Variants in TMEM68 observed in about 807,000 individuals in gnomAD.
TMEM68 encodes the protein transmembrane protein 68.
In TMEM68, 25 loss-of-function variants were observed where a neutral mutation model predicts 36.9. The observed-to-expected ratio is 0.68, with a 90% CI of 0.49 to 0.95. The LOEUF (loss-of-function observed/expected upper bound fraction) is 0.95, where lower values mean the gene tolerates loss of function less well. Among genes scored for constraint, TMEM68 ranks in the 40% least tolerant of loss-of-function variants. TMEM68 has a pLI of 0.00. For missense variants in TMEM68, 333 were observed against 392.0 expected, an observed-to-expected ratio of 0.85 and a Z score of 1.27; for synonymous variants, 131 against 124.4, an observed-to-expected ratio of 1.05 and a Z score of -0.35.
chr8:55,745,559 C>A (rs1271258954), intron 5 of TMEM68: 1 of 152,148 alleles, frequency 6.6e-6, no homozygotes, highest in Non-Finnish European at 1.5e-5. Context: ...TCACATAAAA[C>A]CTTGAAACTC....
intron 3 of TMEM68, among the ~76,000 whole-genome samples, chr8:55,760,197 A>G (rs1429359682): frequency 1.3e-5 from 2 of 152,282 alleles, no homozygotes; most frequent in Non-Finnish European, 2.9e-5. Context: ...AAAAGACTTA[A>G]GTAAGATCCA....
intron 5 of TMEM68, among the ~76,000 whole-genome samples, chr8:55,749,034 C>G (rs936175465): frequency 6.6e-6 from 1 of 152,172 alleles, no homozygotes; most frequent in African/African-American, 2.4e-5. Flanking sequence ...TAATAATTAT[C>G]TCTATCTCAA....
At chr8:55,752,574 C>T (rs1472656017) in intron 4 of TMEM68, among the ~76,000 whole-genome samples, 1 of 152,010 alleles carries the variant, frequency 6.6e-6, no homozygotes, top group Non-Finnish European at 1.5e-5. Context: ...GGCAACAGAG[C>T]AAGACTGTCT....
chr8:55,766,946 T>C (rs1272795892), intron 1 of TMEM68, among the ~76,000 whole-genome samples: 2 of 152,212 alleles, frequency 1.3e-5, no homozygotes, highest in Middle Eastern at 3.2e-3. Flanking sequence ...GAGATAATTA[T>C]ATGGTGTTTT....
chr8:55,751,031 T>G lies in TMEM68; in HGVS notation c.620A>C (p.Asp207Ala), dbSNP rs1464783899. 1.2e-6 allele frequency: 2 copies of G among 1,613,904 alleles called. No individual in the cohort carries two copies. Among genetic ancestry groups the G allele is most frequent in the African/African-American group, 1.3e-5 (1 of 74,894 alleles). ...PGGVREALIS[D>A]ETYNIVWGHR... ...ACCCCATACGATGTTATAAGTTTCATCACTAATTAGGGCTTCTCGAACTCC... is the reference window on the plus strand; with the variant it reads ...ACCCCATACGATGTTATAAGTTTCAGCACTAATTAGGGCTTCTCGAACTCC... Residue 207 changes from aspartate to alanine, a missense_variant, in exon 5 of 8, where the codon GAT (aspartate) becomes GCT (alanine). Coordinates refer to ENST00000434581, the MANE Select transcript of TMEM68 (RefSeq NM_001286657.2).
At chr8:55,764,299 TTTTAG>T (rs1254323340) in intron 1 of TMEM68, among the ~76,000 whole-genome samples, 1 of 152,224 alleles carries the variant, frequency 6.6e-6, no homozygotes, top group Non-Finnish European at 1.5e-5. Flanking sequence ...CTATGATTCT[TTTTAG>T]TAACTTTGCC....
At position 55,756,342 on chromosome 8, in the gene TMEM68, G is replaced by C. The variant is rs948769691; in HGVS notation, c.395C>G (p.Ala132Gly). The change falls in exon 4 of 8, where the codon GCT (alanine) becomes GGT (glycine). Residue 132 changes from alanine to glycine, a missense_variant. Ala to Gly is a moderately conservative substitution (Grantham distance 60). Transcript: ENST00000434581. ...GPALIIFYHGAIPIDFYYFMA... is the reference protein window; with the variant it reads ...GPALIIFYHGGIPIDFYYFMA... ...GAAATAGTAAAAATCTATAGGAATAGCTCCATGATAAAAAATTATAAGTGC... is the reference window on the plus strand; with the variant it reads ...GAAATAGTAAAAATCTATAGGAATACCTCCATGATAAAAAATTATAAGTGC... 1.9e-6 allele frequency: 3 copies of C among 1,604,610 alleles called. No individual in the cohort carries two copies. The highest frequency in any genetic ancestry group is 2.5e-6 in the Non-Finnish European group (3 of 1,176,842).
chr8:55,745,004 A>G (rs1347164432), intron 6 of TMEM68, 57 bp downstream of exon 6: 2 of 1,174,924 alleles, frequency 1.7e-6, no homozygotes, highest in South Asian at 1.8e-5. Flanking sequence ...AGGGTTCAAC[A>G]GCCCAAATAT....
intron 4 of TMEM68, chr8:55,751,458 T>A: frequency 2.3e-6 from 1 of 427,460 alleles, no homozygotes; most frequent in South Asian, 1.9e-5. Flanking sequence ...ATCTAAGAAG[T>A]GGCAGGGCAG....
chr8:55,754,837 A>C (rs1810547771), intron 4 of TMEM68, among the ~76,000 whole-genome samples: 1 of 134,186 alleles, frequency 7.5e-6, no homozygotes, highest in Admixed American at 8.6e-5. Context: ...TACATATATT[A>C]TGTAATATAT....
chr8:55,762,657 A>C lies in TMEM68; in HGVS notation c.303T>G (p.Asp101Glu). ...TACCATGCCAAACGGCTGCATGTCC[A>C]TCCCACAGAGTTGCCACTGTTTTCC... Reference protein sequence around the residue: ...GARKTVATLWDGHAAVWHGYE... With the variant: ...GARKTVATLWEGHAAVWHGYE... The change falls in exon 3 of 8, where the codon GAT (aspartate) becomes GAG (glutamate). Residue 101 changes from aspartate to glutamate, a missense_variant. Physicochemically the swap from Asp to Glu is conservative, Grantham distance 45. Transcript: ENST00000434581. The C allele has an allele frequency of 6.2e-7, 1 of 1,614,226 alleles. No individual in the cohort carries two copies. Among genetic ancestry groups the C allele is most frequent in the Non-Finnish European group, 8.5e-7 (1 of 1,180,038 alleles).
chr8:55,767,196 C>T (rs1290774949), intron 1 of TMEM68, among the ~76,000 whole-genome samples: 1 of 151,160 alleles, frequency 6.6e-6, no homozygotes, highest in African/African-American at 2.4e-5. Context: ...GTGAAGATTA[C>T]GTGTAAAAAA....
intron 7 of TMEM68, among the ~76,000 whole-genome samples, chr8:55,741,440 G>T (rs1188448319): frequency 6.6e-6 from 1 of 152,198 alleles, no homozygotes; most frequent in South Asian, 2.1e-4. Flanking sequence ...AATATTAGAT[G>T]CTTTGGAAAT....
chr8:55,750,883 T>A, intron 5 of TMEM68, 81 bp downstream of exon 5: 3 of 1,397,144 alleles, frequency 2.1e-6, no homozygotes, highest in Non-Finnish European at 9.8e-7. Context: ...TCTAAGTTCT[T>A]ATACAATTTG....
At chr8:55,756,790 G>A (rs1810621656) in intron 3 of TMEM68, among the ~76,000 whole-genome samples, 2 of 152,124 alleles carry the variant, frequency 1.3e-5, no homozygotes, top group African/African-American at 2.4e-5. Flanking sequence ...GAGGAGGCAA[G>A]GGTCACGGAA....
intron 1 of TMEM68, among the ~76,000 whole-genome samples, chr8:55,771,078 C>A (rs1164540030): frequency 6.6e-6 from 1 of 151,546 alleles, no homozygotes; most frequent in Admixed American, 6.6e-5. Context: ...CGCTTGAACC[C>A]AGGAGGCGGA....
At chr8:55,740,421 C>T (rs769331235) in intron 7 of TMEM68, among the ~76,000 whole-genome samples, 12 of 152,152 alleles carry the variant, frequency 7.9e-5, no homozygotes, top group Admixed American at 2.0e-4. Context: ...CCACCTTGGC[C>T]TTCCAATGTG....
At chr8:55,749,881 T>C (rs1810381808) in intron 5 of TMEM68, among the ~76,000 whole-genome samples, 1 of 151,110 alleles carries the variant, frequency 6.6e-6, no homozygotes, top group African/African-American at 2.4e-5. Context: ...AATTATCTAG[T>C]TTATTTAAAT....
intron 3 of TMEM68, chr8:55,761,067 A>C (rs1384942905): frequency 6.6e-6 from 1 of 152,230 alleles, no homozygotes; most frequent in African/African-American, 2.4e-5. Flanking sequence ...ACCTGGTTGA[A>C]AGCAGAAAAA....
Sources: gnomAD v4.1 joint callset for allele counts (sites outside exome capture counted in the v4.1 genomes callset) on GRCh38, gnomAD v4.1.1 for gene constraint, MANE v1.5 for transcripts, NCBI Gene and HGNC (gene_info 2026-07-23, HGNC 2026-07-21) for gene names.